EML6: variants seen among roughly 807,000 people sequenced by gnomAD.
EML6 encodes the protein echinoderm microtubule-associated protein-like 6.
Under a neutral mutation model 240.1 loss-of-function variants are expected in EML6, and 154 were observed. That is an observed-to-expected ratio of 0.64 (90% confidence interval 0.56 to 0.73). The LOEUF (loss-of-function observed/expected upper bound fraction) is 0.73. Ranked by LOEUF, EML6 falls within the 30% of genes least tolerant of loss-of-function variation. EML6 has a pLI of 0.00. For synonymous variants in EML6, 1,148 were observed against 899.0 expected, an observed-to-expected ratio of 1.28 and a Z score of -4.95; for missense variants, 2,964 against 2,474.6, an observed-to-expected ratio of 1.20 and a Z score of -4.20.
At chr2:54,867,998 A>G (rs1197688187) in intron 14 of EML6, 5 of 152,194 alleles carry the variant, frequency 3.3e-5, no homozygotes, top group African/African-American at 1.2e-4. Context: ...GTCACTGAGC[A>G]CTTAAAATAC....
chr2:54,804,683 C>A (rs1273921295), intron 2 of EML6, among the ~76,000 whole-genome samples: 1 of 152,198 alleles, frequency 6.6e-6, no homozygotes, highest in Non-Finnish European at 1.5e-5. Context: ...AATGGAGACA[C>A]AAAATAACAG....
chr2:54,815,616 C>T (rs1469262484), intron 3 of EML6, among the ~76,000 whole-genome samples: 2 of 152,176 alleles, frequency 1.3e-5, no homozygotes, highest in East Asian at 3.9e-4. Context: ...AAAAATACAA[C>T]CACATCTTGT....
chr2:54,779,855 C>G (rs1358966211), intron 2 of EML6, among the ~76,000 whole-genome samples: 1 of 48,644 alleles, frequency 2.1e-5, no homozygotes, highest in Non-Finnish European at 3.8e-5. Context: ...GACCCAGTCT[C>G]AAAAAAAAAG....
chr2:54,900,870 A>C (rs1673019489), intron 22 of EML6, among the ~76,000 whole-genome samples: 1 of 152,160 alleles, frequency 6.6e-6, no homozygotes, highest in Non-Finnish European at 1.5e-5. Context: ...GAGGACATCT[A>C]CTGCTTGGAA....
At chr2:54,738,815 G>C (rs1465485295) in intron 2 of EML6, among the ~76,000 whole-genome samples, 1 of 152,162 alleles carries the variant, frequency 6.6e-6, no homozygotes, top group Non-Finnish European at 1.5e-5. Context: ...TGGATGGTTT[G>C]CAGTTTCCTT....
chr2:54,741,509 A>G (rs1214920789), intron 2 of EML6, among the ~76,000 whole-genome samples: 1 of 152,178 alleles, frequency 6.6e-6, no homozygotes, highest in Non-Finnish European at 1.5e-5. Flanking sequence ...GAAAGCAGTG[A>G]CACATCAGCA....
chr2:54,806,063 GA>G (rs900317967), intron 2 of EML6, among the ~76,000 whole-genome samples: 1 of 151,900 alleles, frequency 6.6e-6, no homozygotes, highest in African/African-American at 2.4e-5. Flanking sequence ...ACTTTAAGCA[GA>G]ACTTCTACTT....
At chr2:54,795,603 C>A (rs570968290) in intron 2 of EML6, among the ~76,000 whole-genome samples, 2 of 152,152 alleles carry the variant, frequency 1.3e-5, no homozygotes, top group African/African-American at 4.8e-5. Context: ...GAGCATATGC[C>A]CCCAGGGAAT....
At chr2:54,879,084 C>A (rs1002967053) in intron 16 of EML6, among the ~76,000 whole-genome samples, 1 of 152,106 alleles carries the variant, frequency 6.6e-6, no homozygotes, top group African/African-American at 2.4e-5. Context: ...ATTAACTGAA[C>A]CCAGTTTTTA....
chr2:54,948,471 A>G (rs193013877), intron 28 of EML6, among the ~76,000 whole-genome samples: 2 of 152,304 alleles, frequency 1.3e-5, no homozygotes, highest in African/African-American at 4.8e-5. Context: ...ATTCTGAACA[A>G]CATGAGCACA....
rs1360967430 is a variant in EML6, at chr2:54,942,163, A to G, written c.4005-6719A>G. On this transcript the variant is annotated intron_variant, in intron 28 of 41. Transcript: ENST00000356458. ...AGGCATTAAACCTGCTGTTCATTAT[A>G]GAATAGTTTCTTCACTTTTGATGAC... Among the ~76,000 whole-genome samples, 3 of 152,246 alleles carry G rather than the reference A, an allele frequency of 2.0e-5. No homozygotes were observed. The East Asian group carries it at 5.8e-4, about 29-fold the overall frequency.
chr2:54,955,249 C>G (rs1403165000), intron 32 of EML6, among the ~76,000 whole-genome samples: 4 of 152,148 alleles, frequency 2.6e-5, no homozygotes, highest in African/African-American at 9.7e-5. Flanking sequence ...ACTGATTGAC[C>G]AGACTCAGCC....
chr2:54,800,965 C>G (rs1222732471), intron 2 of EML6, among the ~76,000 whole-genome samples: 1 of 152,182 alleles, frequency 6.6e-6, no homozygotes, highest in East Asian at 1.9e-4. Flanking sequence ...TAAAGTTACC[C>G]TTCATGTTAT....
chr2:54,931,308 G>A (rs1020554986), intron 28 of EML6, among the ~76,000 whole-genome samples: 3 of 152,286 alleles, frequency 2.0e-5, no homozygotes, highest in African/African-American at 7.2e-5. Context: ...GCAAGGCAGG[G>A]CATTTGGGGA....
intron 33 of EML6, among the ~76,000 whole-genome samples, 193 bp downstream of exon 33, chr2:54,958,191 A>G (rs72910842): frequency 0.018 from 2,754 of 152,052 alleles, 99 homozygotes; most frequent in African/African-American, 0.063. Context: ...GGCAACATAC[A>G]TATATATATT....
At chr2:54,863,924 C>A in intron 13 of EML6, 35 bp downstream of exon 13, 1 of 1,143,000 alleles carries the variant, frequency 8.7e-7, no homozygotes, top group Admixed American at 2.3e-5. Flanking sequence ...ATTTGTAACC[C>A]CAGAAGGGGA....
At chr2:54,841,780 A>G (rs1352391611) in intron 7 of EML6, among the ~76,000 whole-genome samples, 2 of 151,748 alleles carry the variant, frequency 1.3e-5, no homozygotes, top group East Asian at 1.9e-4. Context: ...TTTAGTAGAG[A>G]CGGGATTTCA....
intron 26 of EML6, among the ~76,000 whole-genome samples, chr2:54,917,441 C>T (rs1437485496): frequency 1.3e-5 from 2 of 150,946 alleles, no homozygotes; most frequent in Admixed American, 6.6e-5. Context: ...CTCGGCTGAC[C>T]GCAACTTCTG....
chr2:54,745,745 C>T (rs1683883856), intron 2 of EML6, among the ~76,000 whole-genome samples: 1 of 152,142 alleles, frequency 6.6e-6, no homozygotes, highest in African/African-American at 2.4e-5. Context: ...CACTCCACCA[C>T]ACTCCAGCCT....
Sources: gnomAD v4.1 joint callset for allele counts (sites outside exome capture counted in the v4.1 genomes callset) on GRCh38, gnomAD v4.1.1 for gene constraint, MANE v1.5 for transcripts, NCBI Gene and HGNC (gene_info 2026-07-23, HGNC 2026-07-21) for gene names.